COL22A1: variants seen among roughly 807,000 people sequenced by gnomAD.
The protein encoded by COL22A1 is collagen type XXII alpha 1 chain.
Under a neutral mutation model 248.9 loss-of-function variants are expected in COL22A1, and 221 were observed. The observed-to-expected ratio is 0.89, with a 90% CI of 0.80 to 0.99. The LOEUF is 0.99. Ranked by LOEUF, COL22A1 falls within the 50% of genes least tolerant of loss-of-function variation. The pLI, the probability that COL22A1 is intolerant of heterozygous loss-of-function variation, is 0.00. For missense variants in COL22A1, 2,240 were observed against 2,179.0 expected (o/e 1.03, Z -0.56); for synonymous variants, 891 against 793.4 (o/e 1.12, Z -2.07).
intron 45 of COL22A1, among the ~76,000 whole-genome samples, chr8:138,650,515 A>C (rs1197432671): frequency 3.9e-5 from 6 of 152,106 alleles, no homozygotes; most frequent in Non-Finnish European, 7.4e-5. Flanking sequence ...AAACTCACCT[A>C]ACTGTACTCC....
In COL22A1 at chr8:138,811,909, C is replaced by T. The variant is rs867925495; in HGVS notation, c.1339G>A (p.Val447Met). 1.1e-5 allele frequency: 17 copies of T among 1,553,904 alleles called. 1 individual carries two copies. The highest frequency in any genetic ancestry group is 8.2e-5 in the African/African-American group (6 of 73,424). ...DIPSGPCQVT[V>M]VTEPPPPPPP... Reference sequence around the variant, plus strand: ...GGTGGAGGTGGAGGCTCTGTCACCACGGTCACCTGGCACTGGAAGGAAAGC... The same window carrying T: ...GGTGGAGGTGGAGGCTCTGTCACCATGGTCACCTGGCACTGGAAGGAAAGC... Residue 447 changes from valine to methionine, a missense_variant, in exon 9 of 65, where the codon GTG becomes ATG. Coordinates refer to ENST00000303045, the MANE Select transcript of COL22A1 (RefSeq NM_152888.3).
intron 3 of COL22A1, among the ~76,000 whole-genome samples, chr8:138,858,321 G>T (rs1822196488): frequency 6.6e-6 from 1 of 152,130 alleles, no homozygotes; most frequent in Non-Finnish European, 1.5e-5. Flanking sequence ...GTCACACAGA[G>T]CACGGTCCTA....
intron 16 of COL22A1, among the ~76,000 whole-genome samples, chr8:138,773,730 C>T (rs1186592988): frequency 6.6e-6 from 1 of 152,146 alleles, no homozygotes; most frequent in African/African-American, 2.4e-5. Flanking sequence ...AGACGGGATG[C>T]CTGGAAGCCT....
At chr8:138,636,434 A>G (rs905945648) in intron 48 of COL22A1, among the ~76,000 whole-genome samples, 2 of 151,138 alleles carry the variant, frequency 1.3e-5, no homozygotes, top group Non-Finnish European at 2.9e-5. Flanking sequence ...TTCAGTGAAA[A>G]AAAAAGTAAA....
In COL22A1 at chr8:138,877,851, T is replaced by A. The variant is rs756603432; in HGVS notation, c.557A>T (p.Glu186Val). ...GGACTTGGGCTCTGAGGCGATCTCCTCCAGCTCCTCCTTGAGTGCCTCGCC... is the reference window on the plus strand; with the variant it reads ...GGACTTGGGCTCTGAGGCGATCTCCACCAGCTCCTCCTTGAGTGCCTCGCC... ...GVGEALKEEL[E>V]EIASEPKSAH... Residue 186 changes from glutamate (E) to valine (V), a missense_variant, in exon 3 of 65, where the codon GAG (glutamate) becomes GTG (valine). Transcript: ENST00000303045. 2 of 1,613,478 alleles carry A rather than the reference T, an allele frequency of 1.2e-6. No individual in the cohort carries two copies. The highest frequency in any genetic ancestry group is 1.7e-6 in the Non-Finnish European group (2 of 1,179,824).
At chr8:138,833,465 T>C (rs1484456593) in intron 4 of COL22A1, among the ~76,000 whole-genome samples, 2 of 152,202 alleles carry the variant, frequency 1.3e-5, no homozygotes, top group Non-Finnish European at 2.9e-5. Flanking sequence ...CCGCAGGGTC[T>C]TGGTGTTCAC....
At chr8:138,755,559 C>A (rs1832928611) in intron 19 of COL22A1, 48 bp from the exon 20 acceptor site, 3 of 1,598,638 alleles carry the variant, frequency 1.9e-6, no homozygotes, top group Non-Finnish European at 2.6e-6. Flanking sequence ...TTTCCGCAAC[C>A]ACAGTCAACC....
At position 138,845,793 on chromosome 8, in the gene COL22A1, A is replaced by C. The variant is rs189706208; in HGVS notation, c.659-1635T>G. On this transcript the variant is annotated intron_variant, in intron 3 of 64. Transcript: ENST00000303045. ...AAGATTATGCCCACAACAGCACTGA[A>C]AGGCTGTAAGGAGGTTCTGTATTCT... is the stretch of plus-strand genomic sequence containing the variant. Among the ~76,000 whole-genome samples the C allele has an allele frequency of 2.3e-3, 344 of 152,262 alleles. 6 individuals carry two copies. In the South Asian group the frequency reaches 0.032, roughly 14 times the overall value.
chr8:138,751,530 G>C lies in COL22A1; in HGVS notation c.2032-19C>G. 4 of 1,587,708 alleles carry C rather than the reference G, an allele frequency of 2.5e-6. No individual in the cohort carries two copies. The highest frequency in any genetic ancestry group is 3.4e-6 in the Non-Finnish European group (4 of 1,162,742). Reference sequence around the variant, plus strand: ...TTGGACCCTTTAGGAGGGAGAAAAAGGAAAAAGAGAGAGAAACATAATGGT... The same window carrying C: ...TTGGACCCTTTAGGAGGGAGAAAAACGAAAAAGAGAGAGAAACATAATGGT... On this transcript the variant is annotated intron_variant, in intron 21 of 64. Coordinates refer to ENST00000303045, the MANE Select transcript of COL22A1 (RefSeq NM_152888.3).
chr8:138,882,927 A>G (rs1824349947), intron 2 of COL22A1, among the ~76,000 whole-genome samples, 155 bp downstream of exon 2: 1 of 152,164 alleles, frequency 6.6e-6, no homozygotes, highest in African/African-American at 2.4e-5. Flanking sequence ...CTAGGTTAGA[A>G]GGCAGCTGAC....
chr8:138,707,941 C>A (rs1473897346), intron 30 of COL22A1, among the ~76,000 whole-genome samples: 1 of 152,202 alleles, frequency 6.6e-6, no homozygotes, highest in African/African-American at 2.4e-5. Context: ...AGCAAAGTCT[C>A]AGGATACAAA....
chr8:138,592,917 C>T (rs887909363), intron 63 of COL22A1, among the ~76,000 whole-genome samples: 5 of 152,062 alleles, frequency 3.3e-5, no homozygotes, highest in South Asian at 2.1e-4. Context: ...GACATGCACA[C>T]GTATGTTTAT....
chr8:138,756,301 G>A (rs748609915), intron 18 of COL22A1, among the ~76,000 whole-genome samples: 1 of 152,140 alleles, frequency 6.6e-6, no homozygotes, highest in African/African-American at 2.4e-5. Context: ...AACTAAAAAT[G>A]TGGCACTGCT....
At chr8:138,861,293 G>A (rs1434648016) in intron 3 of COL22A1, among the ~76,000 whole-genome samples, 1 of 152,226 alleles carries the variant, frequency 6.6e-6, no homozygotes, top group Admixed American at 6.5e-5. Flanking sequence ...CATGGGATCT[G>A]GCTTTCCCCA....
chr8:138,706,906 A>G (rs1258565872), intron 30 of COL22A1, among the ~76,000 whole-genome samples: 1 of 152,214 alleles, frequency 6.6e-6, no homozygotes, highest in East Asian at 1.9e-4. Context: ...CTAATAAAGA[A>G]GAGAAGAGAG....
At chr8:138,834,484 T>C (rs1820286802) in intron 4 of COL22A1, among the ~76,000 whole-genome samples, 1 of 152,158 alleles carries the variant, frequency 6.6e-6, no homozygotes, top group South Asian at 2.1e-4. Flanking sequence ...ACGCCAAGCA[T>C]TGTGTAAGAA....
At chr8:138,613,524 T>G (rs1051696519) in intron 56 of COL22A1, among the ~76,000 whole-genome samples, 6 of 152,294 alleles carry the variant, frequency 3.9e-5, no homozygotes, top group African/African-American at 1.4e-4. Context: ...TTCATGGTAC[T>G]TGGTTACAGC....
chr8:138,616,107 G>A (rs376555097), intron 54 of COL22A1, 53 bp from the exon 55 acceptor site: 5 of 1,457,682 alleles, frequency 3.4e-6, no homozygotes, highest in Admixed American at 3.3e-5. Context: ...GCCACTGGCT[G>A]TCTCAACCAC....
chr8:138,592,457 C>T (rs1817153385), intron 63 of COL22A1, among the ~76,000 whole-genome samples: 1 of 152,180 alleles, frequency 6.6e-6, no homozygotes, highest in Non-Finnish European at 1.5e-5. Flanking sequence ...CTGCCACAAT[C>T]TGATGTTCTC....
Sources: gnomAD v4.1 joint callset for allele counts (sites outside exome capture counted in the v4.1 genomes callset) on GRCh38, gnomAD v4.1.1 for gene constraint, MANE v1.5 for transcripts, NCBI Gene and HGNC (gene_info 2026-07-23, HGNC 2026-07-21) for gene names.